The following CLYBL variants were observed in gnomAD, a reference collection of about 807,000 sequenced individuals.
CLYBL encodes citramalyl-CoA lyase.
CLYBL carries 31 observed loss-of-function variants against 38.9 expected under a neutral mutation model. The ratio of observed to expected loss-of-function variants is 0.80; its 90% confidence interval spans 0.60 to 1.08. The LOEUF (loss-of-function observed/expected upper bound fraction) is 1.08. Among genes scored for constraint, CLYBL ranks in the 50% least tolerant of loss-of-function variants. The pLI, the probability that CLYBL is intolerant of heterozygous loss-of-function variation, is 0.00. For missense variants in CLYBL, 434 were observed against 411.6 expected, an observed-to-expected ratio of 1.05 and a Z score of -0.47; for synonymous variants, 171 against 158.6, an observed-to-expected ratio of 1.08 and a Z score of -0.59.
At chr13:99,842,883 C>G (rs1321245893) in intron 2 of CLYBL, among the ~76,000 whole-genome samples, 1 of 152,070 alleles carries the variant, frequency 6.6e-6, no homozygotes, top group African/African-American at 2.4e-5. Context: ...TAGCCGCTAC[C>G]CTCCAGTCTG....
At position 99,646,138 on chromosome 13, in the gene CLYBL, T is replaced by C. The variant is rs2139286108; in HGVS notation, c.62+39381T>C. 1.3e-5 allele frequency among the ~76,000 whole-genome samples: 2 copies of C among 152,300 alleles called. 1 individual carries two copies. The highest frequency in any genetic ancestry group is 3.9e-4 in the East Asian group (2 of 5,184). On this transcript the variant is annotated intron_variant, in intron 1 of 8. Coordinates refer to ENST00000339105, the MANE Select transcript of CLYBL (RefSeq NM_206808.5). ...TGACATTTTTTCCATGGGGAAAAATTCATTTTCAGTTCCAAAGAAGCAACT... is the reference window on the plus strand; with the variant it reads ...TGACATTTTTTCCATGGGGAAAAATCCATTTTCAGTTCCAAAGAAGCAACT...
chr13:99,860,862 C>T (rs2139206911), intron 3 of CLYBL, among the ~76,000 whole-genome samples: 1 of 152,350 alleles, frequency 6.6e-6, no homozygotes, highest in Non-Finnish European at 1.5e-5. Context: ...TCTTGCTCGC[C>T]TTTTGTCGCT....
chr13:99,753,676 C>A (rs1594160639), intron 1 of CLYBL, among the ~76,000 whole-genome samples: 1 of 152,272 alleles, frequency 6.6e-6, no homozygotes, highest in Non-Finnish European at 1.5e-5. Context: ...ATTTTAGTGG[C>A]AATCTCTTTT....
intron 2 of CLYBL, among the ~76,000 whole-genome samples, chr13:99,792,139 T>G (rs2049930611): frequency 6.6e-6 from 1 of 152,154 alleles, no homozygotes; most frequent in Non-Finnish European, 1.5e-5. Flanking sequence ...AACAATAGAT[T>G]TTTACTTTGC....
chr13:99,739,393 T>C (rs1163097150), intron 1 of CLYBL, among the ~76,000 whole-genome samples: 2 of 152,116 alleles, frequency 1.3e-5, no homozygotes, highest in Non-Finnish European at 2.9e-5. Flanking sequence ...GGCTCAAAAA[T>C]GATGGGTCGC....
At chr13:99,826,002 T>C (rs1367681930) in intron 2 of CLYBL, among the ~76,000 whole-genome samples, 1 of 152,180 alleles carries the variant, frequency 6.6e-6, no homozygotes. Context: ...GGCAGTGGCT[T>C]ATGGGATCTT....
At chr13:99,822,184 A>G (rs1220539777) in intron 2 of CLYBL, among the ~76,000 whole-genome samples, 2 of 152,180 alleles carry the variant, frequency 1.3e-5, no homozygotes, top group South Asian at 2.1e-4. Context: ...ATACATTCTG[A>G]CCCACAGTTT....
At chr13:99,840,196 T>C (rs73574308) in intron 2 of CLYBL, among the ~76,000 whole-genome samples, 4,259 of 151,642 alleles carry the variant, frequency 0.028, 206 homozygotes, top group African/African-American at 0.099. Flanking sequence ...TCGGGAACTC[T>C]GTCCTTGTGG....
At chr13:99,901,774 C>T (rs1308756726), downstream of CLYBL, among the ~76,000 whole-genome samples, 1 of 151,894 alleles carries the variant, frequency 6.6e-6, no homozygotes, top group Non-Finnish European at 1.5e-5. Context: ...ATTCTCCTGC[C>T]TCAGCCTCCA....
chr13:99,731,335 G>GAA (rs543496005), intron 1 of CLYBL, among the ~76,000 whole-genome samples: 8 of 126,998 alleles, frequency 6.3e-5, no homozygotes, highest in East Asian at 2.3e-4. Context: ...CCTGCTTTAA[G>GAA]AAAAAAAAAA....
In CLYBL at chr13:99,683,322, C is replaced by T. The variant is rs1002940527; in HGVS notation, c.62+76565C>T. Reference sequence around the variant, plus strand: ...GTCTCGAACTCCTGACCTTGTGATCCGCTCACCTCAGCCTCCCAAAGTGCT... The same window carrying T: ...GTCTCGAACTCCTGACCTTGTGATCTGCTCACCTCAGCCTCCCAAAGTGCT... On this transcript the variant is annotated intron_variant, in intron 1 of 8. Transcript: ENST00000339105. Among the ~76,000 whole-genome samples, 69 of 151,578 alleles carry T rather than the reference C, an allele frequency of 4.6e-4. 1 individual carries two copies. The highest frequency in any genetic ancestry group is 1.3e-3 in the African/African-American group (54 of 41,290).
chr13:99,632,068 C>T (rs552332736), intron 1 of CLYBL, among the ~76,000 whole-genome samples: 21 of 152,178 alleles, frequency 1.4e-4, no homozygotes, highest in Admixed American at 3.3e-4. Context: ...GGCCAAAAGC[C>T]GCAGCCTTAC....
At chr13:99,709,992 G>T (rs1289833586) in intron 1 of CLYBL, among the ~76,000 whole-genome samples, 1 of 138,926 alleles carries the variant, frequency 7.2e-6, no homozygotes, top group Non-Finnish European at 1.5e-5. Context: ...GGCGCTATCT[G>T]GGCTCACTGC....
At chr13:99,838,034 A>G (rs1303734386) in intron 2 of CLYBL, among the ~76,000 whole-genome samples, 1 of 152,190 alleles carries the variant, frequency 6.6e-6, no homozygotes, top group African/African-American at 2.4e-5. Context: ...TATATCTGTG[A>G]ATGCTTCTTG....
chr13:99,619,740 C>T lies in CLYBL; in HGVS notation c.62+12983C>T, dbSNP rs968154833. ...TATCTAGATTGTGCCTTATTTTTCTCACCCATCAAAAGGAGGATGGACAAG... is the reference window on the plus strand; with the variant it reads ...TATCTAGATTGTGCCTTATTTTTCTTACCCATCAAAAGGAGGATGGACAAG... On this transcript the variant is annotated intron_variant, in intron 1 of 8. Transcript: ENST00000339105. Among the ~76,000 whole-genome samples the T allele has an allele frequency of 4.6e-5, 7 of 152,316 alleles. No individual in the cohort carries two copies. In the Middle Eastern group the frequency reaches 0.017, roughly 370 times the overall value.
At chr13:99,877,069 A>T (rs888466296) in intron 7 of CLYBL, among the ~76,000 whole-genome samples, 4 of 152,142 alleles carry the variant, frequency 2.6e-5, no homozygotes, top group Admixed American at 2.0e-4. Context: ...ATCATTAGTT[A>T]TCAGTCGTTC....
rs1343895842 is a variant in CLYBL at position 99,849,919 on chromosome 13, G to T, written c.250-8942G>T. 6.6e-6 allele frequency among the ~76,000 whole-genome samples: 1 copy of T among 152,078 alleles called. No individual in the cohort carries two copies. Among genetic ancestry groups the T allele is most frequent in the Admixed American group, 6.5e-5 (1 of 15,272 alleles). On this transcript the variant is annotated intron_variant, in intron 2 of 8. Coordinates refer to ENST00000339105, the MANE Select transcript of CLYBL (RefSeq NM_206808.5). The surrounding 1 kb of genome is among the most constrained non-coding windows in gnomAD (Gnocchi z 4.9). ...TTTCCTGGGAATTTCATTGTATTTT[G>T]TTGAAAAATAAGGTGTGAAAATACA...
At chr13:99,755,383 G>A (rs529289158) in intron 1 of CLYBL, among the ~76,000 whole-genome samples, 1 of 152,152 alleles carries the variant, frequency 6.6e-6, no homozygotes, top group African/African-American at 2.4e-5. Context: ...AATGGTCAGT[G>A]GACCTGTGAT....
intron 1 of CLYBL, among the ~76,000 whole-genome samples, chr13:99,758,923 AGCAC>A (rs2049115095): frequency 1.3e-5 from 2 of 152,086 alleles, no homozygotes; most frequent in African/African-American, 4.8e-5. Flanking sequence ...GACTGTGCTT[AGCAC>A]AGTGCAGCTC....
Sources: allele counts gnomAD v4.1 joint callset (sites outside exome capture counted in the v4.1 genomes callset), GRCh38; gene constraint gnomAD v4.1.1; non-coding constraint Gnocchi (gnomAD v3.1); transcripts MANE v1.5; gene names NCBI Gene and HGNC (gene_info 2026-07-23, HGNC 2026-07-21).